SLC45A3: variants seen among roughly 807,000 people sequenced by gnomAD.
SLC45A3 encodes the protein solute carrier family 45 member 3, also known as prostate cancer associated protein 2.
A neutral mutation model predicts 35.3 loss-of-function variants in SLC45A3; 17 were observed. The ratio of observed to expected loss-of-function variants is 0.48; its 90% CI spans 0.33 to 0.72. SLC45A3 has a LOEUF of 0.72. SLC45A3 is among the 30% of genes least tolerant of loss of function. The pLI is 0.02. For missense variants in SLC45A3, 597 were observed against 731.7 expected (o/e 0.82, Z 2.12); for synonymous variants, 288 against 334.3 (o/e 0.86, Z 1.51).
Position 205,663,318 on chromosome 1 carries a change from CGA to C in SLC45A3, c.471_472del (p.Cys157TrpfsTer25). 2.5e-6 allele frequency: 4 copies of C among 1,613,378 alleles called. No individual in the cohort carries two copies. The highest frequency in any genetic ancestry group is 3.4e-6 in the Non-Finnish European group (4 of 1,180,020). On this transcript the variant is annotated frameshift_variant, in exon 3 of 5. Transcript: ENST00000367145. LOFTEE classifies it high-confidence loss of function. Reference sequence around the variant, plus strand: ...GAAGGCATAGACAGAGTAGGCCTGGCGACAGTGGTCCGGGTCCCGGAAGAGGT... The same window carrying C: ...GAAGGCATAGACAGAGTAGGCCTGGCCAGTGGTCCGGGTCCCGGAAGAGGT...
chr1:205,660,926 C>G (rs908937400), intron 4 of SLC45A3, among the ~76,000 whole-genome samples: 2 of 152,236 alleles, frequency 1.3e-5, no homozygotes, highest in African/African-American at 4.8e-5. Flanking sequence ...GCTACCTACT[C>G]AGTTAACCAG....
rs1671038760 is a variant in SLC45A3, at chr1:205,662,193, G to A, written c.959-67C>T. The stretch of plus-strand genomic sequence containing the variant: ...AGGGTCGGAGCAGTCTCAGGGAGAT[G>A]AGAAGGCGGAACCACAGGTACCTGC... On this transcript the variant is annotated intron_variant, in intron 3 of 4. Transcript: ENST00000367145. The surrounding 1 kb of genome is among the most constrained non-coding windows in gnomAD (Gnocchi z 6.2). 5.2e-6 allele frequency: 8 copies of A among 1,528,288 alleles called. No individual in the cohort carries two copies. Among genetic ancestry groups the A allele is most frequent in the African/African-American group, 1.4e-5 (1 of 73,046 alleles). 94.7% of individuals were successfully genotyped at this position (1,528,288 alleles called of 1,614,324 possible). A position where few individuals can be genotyped will look rare whatever the true frequency, so the allele number is the denominator to read the frequency against.
intron 1 of SLC45A3, among the ~76,000 whole-genome samples, chr1:205,673,853 A>G (rs922004989): frequency 1.3e-5 from 2 of 152,150 alleles, no homozygotes; most frequent in Non-Finnish European, 2.9e-5. Flanking sequence ...AAGCTTGCTG[A>G]CCCTTGGAAG....
In SLC45A3 at chr1:205,661,854, T is replaced by A. The variant is rs964073433; in HGVS notation, c.1224+7A>T. On this transcript the variant is annotated splice_region_variant and intron_variant, in intron 4 of 4. Coordinates refer to ENST00000367145, the MANE Select transcript of SLC45A3 (RefSeq NM_033102.3). ...CACCCTGACTCCACCCACTGGCCAATGAGTACCTGCTTCTCCCGGTGGTAG... is the reference window on the plus strand; with the variant it reads ...CACCCTGACTCCACCCACTGGCCAAAGAGTACCTGCTTCTCCCGGTGGTAG... 1 of 1,606,398 alleles carries A rather than the reference T, an allele frequency of 6.2e-7. No individual in the cohort carries two copies. The highest frequency in any genetic ancestry group is 8.5e-7 in the Non-Finnish European group (1 of 1,174,152).
intron 1 of SLC45A3, among the ~76,000 whole-genome samples, chr1:205,673,815 G>C (rs1671255119): frequency 6.6e-6 from 1 of 152,152 alleles, no homozygotes; most frequent in Non-Finnish European, 1.5e-5. Flanking sequence ...GGCTCTCAAA[G>C]AAACTCATTT....
At chr1:205,665,599 G>A (rs1671106485) in intron 1 of SLC45A3, among the ~76,000 whole-genome samples, 1 of 152,126 alleles carries the variant, frequency 6.6e-6, no homozygotes, top group South Asian at 2.1e-4. Flanking sequence ...AGCTCACAGG[G>A]GCATGAAACC....
rs548963232 is a variant in SLC45A3, at chr1:205,669,916, C to T, written c.-230-5030G>A. Among the ~76,000 whole-genome samples, 1 of 152,316 alleles carries T rather than the reference C, an allele frequency of 6.6e-6. No individual in the cohort carries two copies. Among genetic ancestry groups the T allele is most frequent in the African/African-American group, 2.4e-5 (1 of 41,580 alleles). On this transcript the variant is annotated intron_variant, in intron 1 of 4. Coordinates refer to ENST00000367145, the MANE Select transcript of SLC45A3 (RefSeq NM_033102.3). The surrounding 1 kb of genome is among the most constrained non-coding windows in gnomAD (Gnocchi z 4.1). ...GGTCAGTGAGATGGCAGAGAAGGGG[C>T]AACCCCAGCACCTTGCTCCAAACTG...
chr1:205,678,987 G>A (rs1014115880), intron 1 of SLC45A3, among the ~76,000 whole-genome samples: 1 of 151,958 alleles, frequency 6.6e-6, no homozygotes, highest in Non-Finnish European at 1.5e-5. Flanking sequence ...CCAGGCCTCG[G>A]GCAGGTGAGT....
At chr1:205,665,687 C>T (rs1352481149) in intron 1 of SLC45A3, among the ~76,000 whole-genome samples, 3 of 152,194 alleles carry the variant, frequency 2.0e-5, no homozygotes, top group Non-Finnish European at 4.4e-5. Context: ...CCAGGGCAGC[C>T]TTTCTGTGCT....
chr1:205,661,533 G>A (rs1025728543), intron 4 of SLC45A3, among the ~76,000 whole-genome samples: 3 of 152,048 alleles, frequency 2.0e-5, no homozygotes, highest in Admixed American at 6.6e-5. Context: ...CTGATTCAGC[G>A]CCCTGCCTCT....
chr1:205,661,082 G>C (rs1236973991), intron 4 of SLC45A3, among the ~76,000 whole-genome samples: 1 of 152,186 alleles, frequency 6.6e-6, no homozygotes, highest in African/African-American at 2.4e-5. Flanking sequence ...CCTCAAGGCA[G>C]AGTCCAGCAC....
At chr1:205,671,549 G>T (rs2102408236) in intron 1 of SLC45A3, among the ~76,000 whole-genome samples, 1 of 152,254 alleles carries the variant, frequency 6.6e-6, no homozygotes, top group South Asian at 2.1e-4. Flanking sequence ...CCATGCCTCA[G>T]TTTCCTCATC....
At chr1:205,678,106 C>T (rs369944555) in intron 1 of SLC45A3, among the ~76,000 whole-genome samples, 41 of 152,232 alleles carry the variant, frequency 2.7e-4, no homozygotes, top group African/African-American at 8.2e-4. Flanking sequence ...CACCTGAGGT[C>T]AGGAGTTCAA....
chr1:205,673,809 C>T (rs983649755), intron 1 of SLC45A3, among the ~76,000 whole-genome samples: 1 of 152,184 alleles, frequency 6.6e-6, no homozygotes, highest in Admixed American at 6.5e-5. Context: ...AGGGTAGGCT[C>T]TCAAAGAAAC....
rs142142128 is a variant in SLC45A3, at chr1:205,666,454, G to A, written c.-230-1568C>T. On this transcript the variant is annotated intron_variant, in intron 1 of 4. Transcript: ENST00000367145. The surrounding 1 kb of genome is among the most constrained non-coding windows in gnomAD (Gnocchi z 4.1). The stretch of plus-strand genomic sequence containing the variant: ...GCCTGGGAGGTCAAGGGTGCAGCGC[G>A]CAGTGATTGGACCACTGCCTCCAGT... Among the ~76,000 whole-genome samples, 40 of 152,346 alleles carry A rather than the reference G, an allele frequency of 2.6e-4. 1 individual carries two copies. The East Asian group carries it at 5.0e-3, about 19-fold the overall frequency.
chr1:205,672,475 G>A (rs946976619), intron 1 of SLC45A3, among the ~76,000 whole-genome samples: 6 of 152,168 alleles, frequency 3.9e-5, no homozygotes, highest in African/African-American at 7.2e-5. Context: ...CCTCAGAGGC[G>A]TCTAGCGTGT....
intron 1 of SLC45A3, among the ~76,000 whole-genome samples, chr1:205,672,199 G>A (rs997827896): frequency 2.0e-5 from 3 of 151,952 alleles, no homozygotes; most frequent in Admixed American, 6.6e-5. Flanking sequence ...CTTTCTTCTC[G>A]GTTTCCATTC....
At chr1:205,671,322 C>T (rs1365007129) in intron 1 of SLC45A3, among the ~76,000 whole-genome samples, 1 of 152,228 alleles carries the variant, frequency 6.6e-6, no homozygotes, top group Non-Finnish European at 1.5e-5. Context: ...CAGCTGCAAC[C>T]CAAGGTCACA....
At position 205,664,463 on chromosome 1, in the gene SLC45A3, G is replaced by A. The variant is rs764994333; in HGVS notation, c.172+22C>T. The stretch of plus-strand genomic sequence containing the variant: ...GGTGGCATGTATCTGGAACAGGAAG[G>A]AAGGAGGATGTAGTGACTCACCCAG... On this transcript the variant is annotated intron_variant, in intron 2 of 4. Transcript: ENST00000367145. This position sits in a 1 kb window ranked among gnomAD's most constrained non-coding sequence, Gnocchi z 5.3. 1 of 1,612,766 alleles carries A rather than the reference G, an allele frequency of 6.2e-7. No homozygotes were observed. Among genetic ancestry groups the A allele is most frequent in the East Asian group, 2.2e-5 (1 of 44,834 alleles).
Sources: gnomAD v4.1 joint callset for allele counts (sites outside exome capture counted in the v4.1 genomes callset) on GRCh38, gnomAD v4.1.1 for gene constraint, Gnocchi (gnomAD v3.1) non-coding constraint, MANE v1.5 for transcripts, NCBI Gene and HGNC (gene_info 2026-07-23, HGNC 2026-07-21) for gene names.